Variants in CSAD observed in about 807,000 individuals in gnomAD.
CSAD encodes the protein cysteine sulfinic acid decarboxylase.
In CSAD, 47 loss-of-function variants were observed where a neutral mutation model predicts 61.5. The ratio of observed to expected loss-of-function variants is 0.76; its 90% CI spans 0.60 to 0.97. The LOEUF is 0.97. Ranked by LOEUF, CSAD falls within the 50% of genes least tolerant of loss-of-function variation. The pLI is 0.00. For synonymous variants in CSAD, 245 were observed against 252.7 expected (o/e 0.97, Z 0.29); for missense variants, 611 against 643.6 (o/e 0.95, Z 0.55).
intron 10 of CSAD, among the ~76,000 whole-genome samples, chr12:53,169,784 C>T (rs1592335868): frequency 6.6e-6 from 1 of 152,162 alleles, no homozygotes; most frequent in South Asian, 2.1e-4. Context: ...CCCACAGGAA[C>T]CTTCCACACT....
chr12:53,162,563 G>GTC (rs1213149218), intron 10 of CSAD, among the ~76,000 whole-genome samples: 1 of 152,164 alleles, frequency 6.6e-6, no homozygotes, highest in Non-Finnish European at 1.5e-5. Context: ...GTGAAACTCT[G>GTC]TCTCTAAATA....
At chr12:53,171,276 C>A (rs1354537939) in intron 8 of CSAD, 50 bp downstream of exon 8, 1 of 1,612,572 alleles carries the variant, frequency 6.2e-7, no homozygotes, top group South Asian at 1.1e-5. Context: ...ACTTAGCTGG[C>A]TGGAGATTAG....
rs1227301013 is a variant in CSAD at position 53,158,444 on chromosome 12, T to G, written c.*67A>C. ...AGCCACTGCACCCGGCCTCAAAGGC[T>G]GGGAGGGAATGCAGTGACTCTGCGG... On this transcript the variant is annotated 3_prime_UTR_variant, in exon 17 of 17. Coordinates refer to ENST00000444623, the MANE Select transcript of CSAD (RefSeq NM_001244705.2). 4 of 1,522,902 alleles carry G rather than the reference T, an allele frequency of 2.6e-6. No individual in the cohort carries two copies. The highest frequency in any genetic ancestry group is 3.6e-6 in the Non-Finnish European group (4 of 1,113,492). The allele number at this position is 1,522,902 out of a possible 1,614,324, so 94.3% of individuals were successfully genotyped here.
In CSAD at chr12:53,173,726, A is replaced by T. The variant is rs1229415476; in HGVS notation, c.-7+2T>A. ...TTCCACCTAAGGCAGAGACAAGCTT[A>T]CCTCTCTGCTCAGGAGAGCCGGAGG... On this transcript the variant is annotated splice_donor_variant, in intron 3 of 16. Coordinates refer to ENST00000444623, the MANE Select transcript of CSAD (RefSeq NM_001244705.2). LOFTEE classifies it low-confidence loss of function (5UTR_SPLICE). 6.2e-7 allele frequency: 1 copy of T among 1,601,942 alleles called. No homozygotes were observed. Among genetic ancestry groups the T allele is most frequent in the East Asian group, 2.2e-5 (1 of 44,806 alleles).
In CSAD at chr12:53,171,973, G is replaced by T; in HGVS notation, c.360C>A (p.Ile120=). The change falls in exon 7 of 17, where the codon ATC becomes ATA. Residue 120 remains isoleucine (I), a synonymous_variant. Transcript: ENST00000444623. The stretch of plus-strand genomic sequence containing the variant: ...CTTCCATGAGCACAAACACGGGGGC[G>T]ATTTCATATGTGTACCTGCCAGGAG... ...SLNTSQYTYE[I]APVFVLMEEE... 6.2e-7 allele frequency: 1 copy of T among 1,613,442 alleles called. No homozygotes were observed. Among genetic ancestry groups the T allele is most frequent in the Non-Finnish European group, 8.5e-7 (1 of 1,179,512 alleles).
At chr12:53,171,640 G>A in intron 7 of CSAD, 199 bp from the exon 8 acceptor site, 1 of 634,454 alleles carries the variant, frequency 1.6e-6, no homozygotes, top group Non-Finnish European at 2.7e-6. Flanking sequence ...CCACATCTGG[G>A]GCTGCCCCCA....
chr12:53,180,698 G>A lies in CSAD; in HGVS notation c.-91+34C>T, dbSNP rs1192986028. 6 of 1,272,322 alleles carry A rather than the reference G, an allele frequency of 4.7e-6. No individual in the cohort carries two copies. In the Admixed American group the frequency reaches 9.6e-5, roughly 20 times the overall value. 78.8% of individuals were successfully genotyped at this position (1,272,322 alleles called of 1,614,324 possible). ...GAGGGGGAGGGGGAAGTGCTTCCGGGGAAACGGGCCGGGGTTGGTGTTTGT... is the reference window on the plus strand; with the variant it reads ...GAGGGGGAGGGGGAAGTGCTTCCGGAGAAACGGGCCGGGGTTGGTGTTTGT... On this transcript the variant is annotated intron_variant, in intron 1 of 16. Coordinates refer to ENST00000444623, the MANE Select transcript of CSAD (RefSeq NM_001244705.2).
chr12:53,173,132 C>G (rs754673057), intron 4 of CSAD: 1 of 481,890 alleles, frequency 2.1e-6, no homozygotes, highest in Non-Finnish European at 3.7e-6. Context: ...TGCTTGAGCC[C>G]GGGAGACGGA....
At position 53,170,083 on chromosome 12, in the gene CSAD, C is replaced by T. The variant is rs139395448; in HGVS notation, c.691G>A (p.Ala231Thr). ...CCTCACTGACTCACCTCAGCCTCGGCCATACCAATCTGCCTCTCCAGATCC... is the reference window on the plus strand; with the variant it reads ...CCTCACTGACTCACCTCAGCCTCGGTCATACCAATCTGCCTCTCCAGATCC... ...PEDLERQIGM[A>T]EAEGAVPFLV... is the part of the protein sequence containing the mutation. The change falls in exon 10 of 17, where the codon GCC becomes ACC. Residue 231 changes from alanine to threonine, a missense_variant. Ala to Thr is a moderately conservative substitution (Grantham distance 58, BLOSUM62 0). Coordinates refer to ENST00000444623, the MANE Select transcript of CSAD (RefSeq NM_001244705.2). The T allele has an allele frequency of 3.0e-5, 48 of 1,613,940 alleles. No individual in the cohort carries two copies. In the African/African-American group the frequency reaches 6.3e-4, roughly 21 times the overall value.
Position 53,158,568 on chromosome 12 carries a change from G to A in CSAD, c.1425C>T (p.Thr475=). ...FRVVVANSAL[T]CADMDFLLNE... is the part of the protein sequence containing the mutation. ...TGAGGAGGAAGTCCATATCAGCACA[G>A]GTCAGTGCAGAGTTGGCCACAACCA... Residue 475 remains threonine, a synonymous_variant, in exon 17 of 17, where the codon ACC becomes ACT. Transcript: ENST00000444623. The A allele has an allele frequency of 6.2e-7, 1 of 1,613,390 alleles. No individual in the cohort carries two copies. Among genetic ancestry groups the A allele is most frequent in the Non-Finnish European group, 8.5e-7 (1 of 1,180,038 alleles).
upstream of CSAD, chr12:53,181,030 C>T (rs957935955): frequency 5.8e-6 from 5 of 868,536 alleles, no homozygotes; most frequent in African/African-American, 1.9e-5. Context: ...CGCGTCCCGC[C>T]GCGTCCCCGG....
At chr12:53,170,548 G>C in intron 8 of CSAD, 46 bp from the exon 9 acceptor site, 1 of 1,453,386 alleles carries the variant, frequency 6.9e-7, no homozygotes, top group Non-Finnish European at 9.7e-7. Context: ...TGATGGGGGA[G>C]GGGAGAGAAG....
Position 53,161,158 on chromosome 12 carries a change from T to C in CSAD, c.853A>G (p.Thr285Ala). Residue 285 changes from threonine to alanine, a missense_variant, in exon 12 of 17, where the codon ACA becomes GCA. By Grantham distance (58) the Thr-to-Ala change is moderately conservative. Transcript: ENST00000444623. Reference protein sequence around the residue: ...AWGGSVLLSQTHRHLLDGIQR... With the variant: ...AWGGSVLLSQAHRHLLDGIQR... ...ATCCCATCCAGGAGATGCCTGTGTG[T>C]CTGTGACAGCAGGACGCTCCCACCC... is the stretch of plus-strand genomic sequence containing the variant. 9.3e-6 allele frequency: 15 copies of C among 1,614,106 alleles called. No homozygotes were observed. The highest frequency in any genetic ancestry group is 1.2e-5 in the Non-Finnish European group (14 of 1,179,996).
chr12:53,164,348 G>A lies in CSAD; in HGVS notation c.703-2959C>T, dbSNP rs535293125. The A allele has an allele frequency of 1.1e-4, 23 of 214,788 alleles. 1 individual carries two copies. In the South Asian group the frequency reaches 1.1e-3, roughly 10 times the overall value. The allele number at this position is 214,788 out of a possible 1,614,324, so 13.3% of individuals were successfully genotyped here. On this transcript the variant is annotated intron_variant, in intron 10 of 16. Transcript: ENST00000444623. The stretch of plus-strand genomic sequence containing the variant: ...ATCAACCTAGGTACCCACCAACAGT[G>A]GATTAGATTTTTTTTAATGTGGCAT...
rs888493668 is a variant in CSAD, at chr12:53,174,795, A to AAT, written c.-49-1027_-49-1026dup. On this transcript the variant is annotated intron_variant, in intron 2 of 16. Transcript: ENST00000444623. Reference sequence around the variant, plus strand: ...CGACAGAGTGGGACTCCATTTCAAAAATATATATATATATGGAGGAATTAA... The same window carrying AAT: ...CGACAGAGTGGGACTCCATTTCAAAAATATATATATATATATGGAGGAATTAA... Among the ~76,000 whole-genome samples the AAT allele has an allele frequency of 1.9e-4, 29 of 151,382 alleles. 1 individual carries two copies. Among genetic ancestry groups the AAT allele is most frequent in the Non-Finnish European group, 2.7e-4 (18 of 67,790 alleles).
At chr12:53,160,414 T>G in intron 13 of CSAD, 95 bp from the exon 14 acceptor site, 1 of 1,270,762 alleles carries the variant, frequency 7.9e-7, no homozygotes, top group Non-Finnish European at 1.1e-6. Flanking sequence ...GGATACCCTC[T>G]TCTTTCCCTG....
rs780189997 is a variant in CSAD, at chr12:53,171,993, C to T, written c.345-5G>A. On this transcript the variant is annotated splice_region_variant and splice_polypyrimidine_tract_variant and intron_variant, in intron 6 of 16. Coordinates refer to ENST00000444623, the MANE Select transcript of CSAD (RefSeq NM_001244705.2). ...GGGGCGATTTCATATGTGTACCTGC[C>T]AGGAGAGAGAACGACGAGAAAGGAG... 6.2e-7 allele frequency: 1 copy of T among 1,608,362 alleles called. No individual in the cohort carries two copies. The highest frequency in any genetic ancestry group is 8.5e-7 in the Non-Finnish European group (1 of 1,174,978).
rs921345418 is a variant in CSAD at position 53,173,261 on chromosome 12, G to A, written c.126+84C>T. The A allele has an allele frequency of 5.8e-6, 7 of 1,200,622 alleles. No individual in the cohort carries two copies. The African/African-American group carries it at 6.3e-5, about 11-fold the overall frequency. The allele number at this position is 1,200,622 out of a possible 1,614,324, so 74.4% of individuals were successfully genotyped here. ...GGAAGAAAGAAGGAAGGAAGGGGGG[G>A]GGAGAAAGAAAAGAAAGGAAAAAAG... On this transcript the variant is annotated intron_variant, in intron 4 of 16. Transcript: ENST00000444623.
chr12:53,172,020 G>A, intron 6 of CSAD, 32 bp from the exon 7 acceptor site: 5 of 1,517,124 alleles, frequency 3.3e-6, no homozygotes, highest in Non-Finnish European at 4.6e-6. Flanking sequence ...AGAAAGGAGA[G>A]ATGGGGAGGG....
Sources: gnomAD v4.1 joint callset for allele counts (sites outside exome capture counted in the v4.1 genomes callset) on GRCh38, gnomAD v4.1.1 for gene constraint, MANE v1.5 for transcripts, NCBI Gene and HGNC (gene_info 2026-07-23, HGNC 2026-07-21) for gene names.